The following PTPRD variants were observed in gnomAD, a reference collection of about 807,000 sequenced individuals.
PTPRD encodes protein tyrosine phosphatase receptor type D.
Under a neutral mutation model 214.5 loss-of-function variants are expected in PTPRD, and 34 were observed. That is an observed-to-expected ratio of 0.16 (90% CI 0.12 to 0.21). The LOEUF (loss-of-function observed/expected upper bound fraction) is 0.21. Ranked by LOEUF, PTPRD falls within the 10% of genes least tolerant of loss-of-function variation. PTPRD has a pLI of 1.00. For missense variants in PTPRD, 2,545 were observed against 2,398.7 expected (o/e 1.06, Z -1.27); for synonymous variants, 1,128 against 845.7 (o/e 1.33, Z -5.79).
At chr9:8,676,362 AC>A (rs1337606656) in intron 12 of PTPRD, among the ~76,000 whole-genome samples, 1 of 150,240 alleles carries the variant, frequency 6.7e-6, no homozygotes, top group African/African-American at 2.4e-5. Context: ...TCACAGCCAA[AC>A]ATTAGCTCAT....
In PTPRD at chr9:8,567,713, C is replaced by CTGA. The variant is rs571325136; in HGVS notation, c.353-38935_353-38934insTCA. ...GTACACAGTAGATATTTTTAAATGC[C>CTGA]TCAATGAATGAATGAATCATACAAC... On this transcript the variant is annotated intron_variant, in intron 14 of 45. Transcript: ENST00000381196. 1.9e-3 allele frequency among the ~76,000 whole-genome samples: 287 copies of CTGA among 152,186 alleles called. 1 individual carries two copies. The highest frequency in any genetic ancestry group is 6.5e-3 in the African/African-American group (270 of 41,520).
Position 9,359,446 on chromosome 9 carries a change from C to T in PTPRD, c.-203+38003G>A, listed in dbSNP as rs982060815. On this transcript the variant is annotated intron_variant, in intron 9 of 45. Coordinates refer to ENST00000381196, the MANE Select transcript of PTPRD (RefSeq NM_002839.4). ...TGTGAAGATTTCTAACAATCTCTCT[C>T]TTTTCATCTCTGTCCTGATCTTCAT... is the stretch of plus-strand genomic sequence containing the variant. Among the ~76,000 whole-genome samples, 3 of 151,272 alleles carry T rather than the reference C, an allele frequency of 2.0e-5. No homozygotes were observed. The Admixed American group carries it at 2.0e-4, about 10-fold the overall frequency.
Position 8,956,259 on chromosome 9 carries a change from T to C in PTPRD, c.-104+62438A>G, listed in dbSNP as rs190810913. 8.6e-4 allele frequency among the ~76,000 whole-genome samples: 130 copies of C among 151,926 alleles called. 1 individual carries two copies. Among genetic ancestry groups the C allele is most frequent in the African/African-American group, 2.9e-3 (122 of 41,494 alleles). ...GAGAAACAGCCATGAATAAAGTCTA[T>C]CACCTCCTGATGTTTATCCATATAA... On this transcript the variant is annotated intron_variant, in intron 11 of 45. Transcript: ENST00000381196.
intron 5 of PTPRD, among the ~76,000 whole-genome samples, chr9:9,814,030 C>G (rs1224416456): frequency 9.9e-5 from 15 of 152,012 alleles, no homozygotes; most frequent in Admixed American, 9.8e-4. Flanking sequence ...ACTACACTAA[C>G]AGAATGAAGG....
intron 10 of PTPRD, among the ~76,000 whole-genome samples, chr9:9,158,872 G>T (rs2099883701): frequency 6.6e-6 from 1 of 152,094 alleles, no homozygotes; most frequent in Non-Finnish European, 1.5e-5. Context: ...GATCAAGTGG[G>T]ATTTATCCTT....
intron 7 of PTPRD, among the ~76,000 whole-genome samples, chr9:9,627,679 G>C (rs961495902): frequency 1.3e-5 from 2 of 152,030 alleles, no homozygotes; most frequent in Non-Finnish European, 2.9e-5. Context: ...ATAGGAGACA[G>C]TGGTAGAGAG....
intron 3 of PTPRD, among the ~76,000 whole-genome samples, chr9:10,092,496 C>T (rs1428957296): frequency 6.6e-6 from 1 of 151,316 alleles, no homozygotes; most frequent in African/African-American, 2.4e-5. Flanking sequence ...TACCTGTAAT[C>T]ATTATTTGCC....
In PTPRD at chr9:9,990,412, AC is replaced by A. The variant is rs569723296; in HGVS notation, c.-472+43305del. 4.5e-4 allele frequency among the ~76,000 whole-genome samples: 69 copies of A among 152,240 alleles called. No individual in the cohort carries two copies. The South Asian group carries it at 0.014, about 31-fold the overall frequency. On this transcript the variant is annotated intron_variant, in intron 4 of 45. Coordinates refer to ENST00000381196, the MANE Select transcript of PTPRD (RefSeq NM_002839.4). Reference sequence around the variant, plus strand: ...TTCTGTTTATGGAGGTGTCATTTTCACCCCAACAGCTGCAAGTCAGTGAGGG... The same window carrying A: ...TTCTGTTTATGGAGGTGTCATTTTCACCCAACAGCTGCAAGTCAGTGAGGG...
At chr9:8,874,223 A>G (rs2098352040) in intron 11 of PTPRD, among the ~76,000 whole-genome samples, 1 of 152,216 alleles carries the variant, frequency 6.6e-6, no homozygotes, top group Non-Finnish European at 1.5e-5. Flanking sequence ...CTTGCCCATA[A>G]CTTGCATGGT....
chr9:10,209,697 T>G (rs1003233137), intron 3 of PTPRD, among the ~76,000 whole-genome samples: 3 of 152,120 alleles, frequency 2.0e-5, no homozygotes, highest in African/African-American at 7.2e-5. Flanking sequence ...TTTTCAATAT[T>G]CTACTTATCT....
chr9:10,031,583 G>T (rs1396952801), intron 4 of PTPRD, among the ~76,000 whole-genome samples: 1 of 146,132 alleles, frequency 6.8e-6, no homozygotes, highest in African/African-American at 2.6e-5. Flanking sequence ...AGCATATTGT[G>T]GGACCTTGTG....
At chr9:8,615,416 T>G (rs980346789) in intron 14 of PTPRD, among the ~76,000 whole-genome samples, 6 of 152,142 alleles carry the variant, frequency 3.9e-5, no homozygotes, top group Non-Finnish European at 8.8e-5. Flanking sequence ...TATTTAAACA[T>G]GAAGAAAGAG....
At chr9:9,114,653 G>A (rs535068833) in intron 10 of PTPRD, among the ~76,000 whole-genome samples, 2 of 152,072 alleles carry the variant, frequency 1.3e-5, no homozygotes, top group African/African-American at 2.4e-5. Context: ...CCCTTCCCCC[G>A]ACAAAGATTT....
chr9:9,950,111 G>GT (rs1555382971), intron 4 of PTPRD, among the ~76,000 whole-genome samples: 6 of 151,206 alleles, frequency 4.0e-5, no homozygotes, highest in Non-Finnish European at 8.8e-5. Context: ...CCCTGGCCTT[G>GT]TTTTTTGTCC....
At chr9:8,787,808 A>C (rs770696946) in intron 11 of PTPRD, among the ~76,000 whole-genome samples, 25 of 152,280 alleles carry the variant, frequency 1.6e-4, no homozygotes, top group South Asian at 1.0e-3. Flanking sequence ...CCCCAGCAAC[A>C]CAACTCATGC....
rs556562503 is a variant in PTPRD at position 10,475,879 on chromosome 9, A to T, written c.-599-134862T>A. ...ATAAGTAGAACCAATGACAAAAAAA[A>T]ACATATGATTATCTCAGTAGATGCA... On this transcript the variant is annotated intron_variant, in intron 2 of 45. Transcript: ENST00000381196. 3.3e-5 allele frequency among the ~76,000 whole-genome samples: 5 copies of T among 150,456 alleles called. No homozygotes were observed. The East Asian group carries it at 1.1e-3, about 32-fold the overall frequency.
chr9:10,361,975 T>C (rs574160795), intron 2 of PTPRD, among the ~76,000 whole-genome samples: 1 of 152,124 alleles, frequency 6.6e-6, no homozygotes, highest in Non-Finnish European at 1.5e-5. Flanking sequence ...ATGAAGGAAA[T>C]GTATCATGGT....
At chr9:8,743,114 A>AGGG (rs144763567) in intron 11 of PTPRD, among the ~76,000 whole-genome samples, 76 of 132,064 alleles carry the variant, frequency 5.8e-4, no homozygotes, top group Middle Eastern at 4.3e-3. Context: ...TAAAAAAAAA[A>AGGG]GGGGGGGGGG....
intron 4 of PTPRD, among the ~76,000 whole-genome samples, chr9:9,990,021 G>T (rs1222284387): frequency 6.6e-6 from 1 of 152,210 alleles, no homozygotes; most frequent in South Asian, 2.1e-4. Flanking sequence ...GGATTCATCA[G>T]ATGTGTGAGT....
Sources: allele counts gnomAD v4.1 joint callset (sites outside exome capture counted in the v4.1 genomes callset), GRCh38; gene constraint gnomAD v4.1.1; transcripts MANE v1.5; gene names NCBI Gene and HGNC (gene_info 2026-07-23, HGNC 2026-07-21).